HPS1: variants seen among roughly 807,000 people sequenced by gnomAD.
The protein encoded by HPS1 is BLOC-3 complex member HPS1.
Under a neutral mutation model 90.6 loss-of-function variants are expected in HPS1, and 59 were observed. The ratio of observed to expected loss-of-function variants is 0.65; its 90% CI spans 0.53 to 0.81. HPS1 has a LOEUF of 0.81. HPS1 is among the 30% of genes least tolerant of loss of function. The pLI, the probability that HPS1 is intolerant of heterozygous loss-of-function variation, is 0.00. For synonymous variants in HPS1, 388 were observed against 384.4 expected, an observed-to-expected ratio of 1.01 and a Z score of -0.11; for missense variants, 849 against 896.7, an observed-to-expected ratio of 0.95 and a Z score of 0.68.
Position 98,417,551 on chromosome 10 carries a change from C to T in HPS1, c.*13G>A, listed in dbSNP as rs766549197. ...GAGGACAGGATGCAAAGGCAGACTG[C>T]GGCCACCTTGGCCTAGAGCAGGGGG... On this transcript the variant is annotated 3_prime_UTR_variant, in exon 20 of 20. Coordinates refer to ENST00000361490, the MANE Select transcript of HPS1 (RefSeq NM_000195.5). This position sits in a 1 kb window ranked among gnomAD's most constrained non-coding sequence, Gnocchi z 4.2. The T allele has an allele frequency of 2.2e-5, 36 of 1,604,186 alleles. No homozygotes were observed. Among genetic ancestry groups the T allele is most frequent in the Admixed American group, 1.3e-4 (8 of 59,376 alleles).
chr10:98,425,530 T>A lies in HPS1; in HGVS notation c.1335+11A>T. 6.2e-7 allele frequency: 1 copy of A among 1,606,434 alleles called. No homozygotes were observed. The highest frequency in any genetic ancestry group is 8.5e-7 in the Non-Finnish European group (1 of 1,176,558). Reference sequence around the variant, plus strand: ...TTCCCCAGGTGGGGAGGACTGGAACTTGGGTCTCACCTGAATCTCCTGTGC... The same window carrying A: ...TTCCCCAGGTGGGGAGGACTGGAACATGGGTCTCACCTGAATCTCCTGTGC... On this transcript the variant is annotated intron_variant, in intron 13 of 19. Transcript: ENST00000361490.
chr10:98,433,231 CAAAA>C (rs35145578), intron 6 of HPS1, among the ~76,000 whole-genome samples: 1 of 85,380 alleles, frequency 1.2e-5, no homozygotes. Flanking sequence ...GACTCCATCT[CAAAA>C]AAAAAAAAAA....
rs1844248572 is a variant in HPS1 at position 98,417,501 on chromosome 10, G to A, written c.*63C>T. 6.9e-7 allele frequency: 1 copy of A among 1,441,094 alleles called. No individual in the cohort carries two copies. 89.3% of individuals were successfully genotyped at this position (1,441,094 alleles called of 1,614,324 possible). On this transcript the variant is annotated 3_prime_UTR_variant, in exon 20 of 20. Transcript: ENST00000361490. This position sits in a 1 kb window ranked among gnomAD's most constrained non-coding sequence, Gnocchi z 4.2. ...GCAGACAGGAGGCTCTCGTCATGGG[G>A]AACAGTGGCAAGCAAGGGTGGCTGG...
At position 98,424,321 on chromosome 10, in the gene HPS1, G is replaced by A. The variant is rs1845308057; in HGVS notation, c.1389C>T (p.Ser463=). 1.2e-6 allele frequency: 2 copies of A among 1,612,478 alleles called. No homozygotes were observed. Among genetic ancestry groups the A allele is most frequent in the Non-Finnish European group, 8.5e-7 (1 of 1,179,296 alleles). ...AKAFSKSEPG[S]SWELLQACGK... is the part of the protein sequence containing the mutation. ...TGAGGCCCACCACTCACTCCCAGGA[G>A]GATCCGGGCTCACTTTTGGAGAAAG... The change falls in exon 14 of 20, where the codon TCC becomes TCT. Residue 463 remains serine (S), a synonymous_variant. Transcript: ENST00000361490.
intron 1 of HPS1, among the ~76,000 whole-genome samples, chr10:98,446,068 G>T (rs1279868025): frequency 6.6e-6 from 1 of 152,284 alleles, no homozygotes; most frequent in Non-Finnish European, 1.5e-5. Flanking sequence ...TAATCAATCT[G>T]GTTCCGGAAT....
At chr10:98,442,798 G>C in intron 3 of HPS1, 1 of 363,992 alleles carries the variant, frequency 2.7e-6, no homozygotes, top group Non-Finnish European at 5.3e-6. Flanking sequence ...GTGAGCCACC[G>C]CGCCCAGCCT....
At position 98,431,285 on chromosome 10, in the gene HPS1, C is replaced by T; in HGVS notation, c.514G>A (p.Glu172Lys). Reference sequence around the variant, plus strand: ...CAGAGCTGGGGGTGAATCAGTCGCTCCAGGGCCTAGCCAGGGCAGGAAGGG... The same window carrying T: ...CAGAGCTGGGGGTGAATCAGTCGCTTCAGGGCCTAGCCAGGGCAGGAAGGG... ...QEQCFAVEAL[E>K]RLIHPQLCEL... Residue 172 changes from glutamate (E) to lysine (K), a missense_variant, in exon 7 of 20, where the codon GAG (glutamate) becomes AAG (lysine). Coordinates refer to ENST00000361490, the MANE Select transcript of HPS1 (RefSeq NM_000195.5). The T allele has an allele frequency of 6.2e-7, 1 of 1,613,624 alleles. No homozygotes were observed. The highest frequency in any genetic ancestry group is 1.3e-5 in the African/African-American group (1 of 75,068).
chr10:98,424,422 T>A (rs775168804), intron 13 of HPS1, 48 bp from the exon 14 acceptor site: 24 of 1,537,556 alleles, frequency 1.6e-5, no homozygotes, highest in African/African-American at 2.7e-5. Context: ...ATATTTCCAG[T>A]GAGGTCCAGG....
chr10:98,437,641 G>C (rs1397956740), intron 3 of HPS1, among the ~76,000 whole-genome samples: 1 of 152,184 alleles, frequency 6.6e-6, no homozygotes, highest in African/African-American at 2.4e-5. Context: ...GTGTGTAGTT[G>C]GCTACACCAT....
intron 3 of HPS1, among the ~76,000 whole-genome samples, chr10:98,438,462 T>C (rs1424912714): frequency 6.6e-6 from 1 of 152,236 alleles, no homozygotes; most frequent in Non-Finnish European, 1.5e-5. Flanking sequence ...CTTGTTATGC[T>C]TTAGCAAAGA....
In HPS1 at chr10:98,431,113, G is replaced by A. The variant is rs1225881853; in HGVS notation, c.668+18C>T. The A allele has an allele frequency of 1.9e-6, 3 of 1,613,746 alleles. 1 individual carries two copies. The highest frequency in any genetic ancestry group is 3.3e-4 in the Middle Eastern group (2 of 6,060). On this transcript the variant is annotated intron_variant, in intron 7 of 19. Coordinates refer to ENST00000361490, the MANE Select transcript of HPS1 (RefSeq NM_000195.5). ...GCCAGGGAGCCTTTAGCCACCACAT[G>A]CCAGACCTTGAGCTCACCTAGAGTA... is the stretch of plus-strand genomic sequence containing the variant.
chr10:98,429,385 T>C, intron 10 of HPS1, 188 bp downstream of exon 10: 11 of 1,529,272 alleles, frequency 7.2e-6, no homozygotes, highest in African/African-American at 1.4e-5. Flanking sequence ...TTAACAATCC[T>C]TGAGTTCAGG....
chr10:98,419,472 G>T (rs1014918737), intron 18 of HPS1, among the ~76,000 whole-genome samples: 1 of 152,050 alleles, frequency 6.6e-6, no homozygotes. Flanking sequence ...GCTGGGGCAG[G>T]GATCCCTGAC....
chr10:98,419,178 G>A lies in HPS1; in HGVS notation c.1857+867C>T, dbSNP rs558138536. Among the ~76,000 whole-genome samples the A allele has an allele frequency of 2.0e-5, 3 of 152,144 alleles. No individual in the cohort carries two copies. The East Asian group carries it at 5.9e-4, about 30-fold the overall frequency. ...AGCCCCAGTAACCGCCCTGCCCTAT[G>A]GAAAGGGATGGCTGTCACCCTCAGT... On this transcript the variant is annotated intron_variant, in intron 18 of 19. Transcript: ENST00000361490.
At chr10:98,422,581 T>C in intron 16 of HPS1, 68 bp from the exon 17 acceptor site, 2 of 1,515,136 alleles carry the variant, frequency 1.3e-6, no homozygotes, top group South Asian at 1.1e-5. Context: ...CCTGGGCTTC[T>C]AGCTGTGCCC....
intron 17 of HPS1, 81 bp downstream of exon 17, chr10:98,422,288 C>T: frequency 1.3e-6 from 2 of 1,512,978 alleles, no homozygotes; most frequent in Admixed American, 1.7e-5. Flanking sequence ...CTGCTAGCCC[C>T]AGGCATGTGG....
chr10:98,424,371 T>C lies in HPS1; in HGVS notation c.1339A>G (p.Thr447Ala). The change falls in exon 14 of 20, where the codon ACC becomes GCC. Residue 447 changes from threonine to alanine, a missense_variant. Thr to Ala is a moderately conservative substitution (Grantham distance 58). Transcript: ENST00000361490. ...GCCTTGGCCTTAAACTCCAGCCAGG[T>C]GCTCTGGAAGGAAGACAGGGGGCAG... ...KNRGAQEIQS[T>A]WLEFKAKAFS... 2 of 1,612,294 alleles carry C rather than the reference T, an allele frequency of 1.2e-6. No homozygotes were observed. Among genetic ancestry groups the C allele is most frequent in the African/African-American group, 1.3e-5 (1 of 74,966 alleles).
At chr10:98,425,200 G>A (rs753011989) in intron 13 of HPS1, among the ~76,000 whole-genome samples, 1 of 152,218 alleles carries the variant, frequency 6.6e-6, no homozygotes, top group Admixed American at 6.5e-5. Context: ...GGCGGATCCC[G>A]ACTGCACTTG....
rs557649319 is a variant in HPS1 at position 98,431,825 on chromosome 10, A to G, written c.508-534T>C. ...TTTCCAGTGACCACATTAAAAAAGT[A>G]AAAAGAAACAGTTGACATTAATTTT... On this transcript the variant is annotated intron_variant, in intron 6 of 19. Transcript: ENST00000361490. Among the ~76,000 whole-genome samples, 392 of 152,358 alleles carry G rather than the reference A, an allele frequency of 2.6e-3. 2 individuals carry two copies. The highest frequency in any genetic ancestry group is 3.4e-3 in the Middle Eastern group (1 of 292).
Sources: allele counts gnomAD v4.1 joint callset (sites outside exome capture counted in the v4.1 genomes callset), GRCh38; gene constraint gnomAD v4.1.1; non-coding constraint Gnocchi (gnomAD v3.1); transcripts MANE v1.5; gene names NCBI Gene and HGNC (gene_info 2026-07-23, HGNC 2026-07-21).